The following SHF variants were observed in gnomAD, a reference collection of about 807,000 sequenced individuals.
The protein encoded by SHF is Src homology 2 domain containing F, also known as SH2 domain-containing adapter protein F.
In SHF, 30 loss-of-function variants were observed where a neutral mutation model predicts 42.4. That is an observed-to-expected ratio of 0.71 (90% CI 0.53 to 0.96). SHF has a LOEUF of 0.96. SHF is among the 40% of genes least tolerant of loss of function. The pLI is 0.00. For synonymous variants in SHF, 264 were observed against 269.9 expected (o/e 0.98, Z 0.21); for missense variants, 598 against 634.0 (o/e 0.94, Z 0.61).
At chr15:45,177,207 G>C (rs911690425) in intron 2 of SHF, among the ~76,000 whole-genome samples, 1 of 152,104 alleles carries the variant, frequency 6.6e-6, no homozygotes, top group Non-Finnish European at 1.5e-5. Context: ...TGCTGTCTTT[G>C]ACCCAGAGCC....
Position 45,193,010 on chromosome 15 carries a change from C to T in SHF, c.303+5762G>A, listed in dbSNP as rs559646446. On this transcript the variant is annotated intron_variant, in intron 2 of 7. Transcript: ENST00000290894. ...ATCACTTGGTTAAGCTGGAGTCCAC[C>T]GGATCTCTCCACTTTACAATTTAAA... is the stretch of plus-strand genomic sequence containing the variant. 6.6e-5 allele frequency among the ~76,000 whole-genome samples: 10 copies of T among 152,278 alleles called. No homozygotes were observed. In the South Asian group the frequency reaches 8.3e-4, roughly 13 times the overall value.
intron 2 of SHF, among the ~76,000 whole-genome samples, chr15:45,197,639 A>C (rs555401466): frequency 6.6e-6 from 1 of 152,244 alleles, no homozygotes; most frequent in East Asian, 1.9e-4. Context: ...CCTTTCCCCT[A>C]TCTTACCAAC....
chr15:45,188,020 G>T (rs1173997140), upstream of SHF: 1 of 303,190 alleles, frequency 3.3e-6, no homozygotes, highest in Non-Finnish European at 5.8e-6. Flanking sequence ...TGGGGAGGGG[G>T]GCGGGGCTCC....
intron 2 of SHF, among the ~76,000 whole-genome samples, chr15:45,197,249 TAAAAAAAA>T (rs144408027): frequency 3.3e-5 from 4 of 122,630 alleles, no homozygotes; most frequent in Non-Finnish European, 5.0e-5. Context: ...ACCTTGTCTC[TAAAAAAAA>T]AAAAAAAAAA....
intron 1 of SHF, among the ~76,000 whole-genome samples, chr15:45,180,468 A>T (rs939160636): frequency 2.9e-4 from 44 of 152,188 alleles, no homozygotes; most frequent in Admixed American, 2.9e-3. Flanking sequence ...CTCAACCAAC[A>T]CGTTATCCAT....
At chr15:45,180,846 G>A (rs1043358184) in intron 1 of SHF, among the ~76,000 whole-genome samples, 25 of 152,218 alleles carry the variant, frequency 1.6e-4, no homozygotes, top group African/African-American at 6.0e-4. Flanking sequence ...TCCTGACAGT[G>A]TTAACTCCAT....
At chr15:45,185,806 G>A (rs1168752272) in intron 1 of SHF, among the ~76,000 whole-genome samples, 3 of 152,214 alleles carry the variant, frequency 2.0e-5, no homozygotes, top group South Asian at 2.1e-4. Context: ...TGTGGCTAGG[G>A]GAGTCTCCGA....
Position 45,187,776 on chromosome 15 carries a change from C to A in SHF, c.176G>T (p.Gly59Val), listed in dbSNP as rs1011965565. 3 of 869,936 alleles carry A rather than the reference C, an allele frequency of 3.4e-6. No homozygotes were observed. The highest frequency in any genetic ancestry group is 3.7e-5 in the East Asian group (1 of 26,682). 53.9% of individuals were successfully genotyped at this position (869,936 alleles called of 1,614,324 possible). Residue 59 changes from glycine (G) to valine (V), a missense_variant, in exon 1 of 7, where the codon GGG becomes GTG. Gly to Val is a moderately radical substitution (Grantham distance 109, BLOSUM62 -3). Transcript: ENST00000690270. ...GCTGCCCCCTCCGCCGCCGCCCCCCCCGCGGAAGCCCAGGTGCTCCCGGAG... is the reference window on the plus strand; with the variant it reads ...GCTGCCCCCTCCGCCGCCGCCCCCCACGCGGAAGCCCAGGTGCTCCCGGAG... ...KWLREHLGFR[G>V]GGGGGGGSKP...
intron 3 of SHF, 70 bp from the exon 4 acceptor site, chr15:45,173,786 C>T (rs769047317): frequency 3.0e-5 from 45 of 1,497,828 alleles, no homozygotes; most frequent in Non-Finnish European, 3.9e-5. Flanking sequence ...GAGGTTGAGA[C>T]ACCAAAACCC....
intron 4 of SHF, among the ~76,000 whole-genome samples, chr15:45,173,300 G>A (rs1267099424): frequency 5.3e-5 from 8 of 152,198 alleles, no homozygotes; most frequent in Admixed American, 5.2e-4. Flanking sequence ...ATTGCTGAAG[G>A]AGCTTGTCAA....
chr15:45,177,255 A>G (rs1379724228), intron 2 of SHF, among the ~76,000 whole-genome samples: 2 of 152,140 alleles, frequency 1.3e-5, no homozygotes, highest in Non-Finnish European at 2.9e-5. Flanking sequence ...TTGGATGGGG[A>G]CAAGCTCTGG....
chr15:45,199,142 A>G (rs1330344615), intron 1 of SHF: 3 of 1,448,504 alleles, frequency 2.1e-6, no homozygotes, highest in Non-Finnish European at 9.1e-7. Context: ...TTCCACGTAG[A>G]AAAAAATTCA....
At chr15:45,173,293 G>A (rs562176983) in intron 4 of SHF, among the ~76,000 whole-genome samples, 1 of 152,294 alleles carries the variant, frequency 6.6e-6, no homozygotes, top group South Asian at 2.1e-4. Flanking sequence ...TATTTGCATT[G>A]CTGAAGGAGC....
intron 3 of SHF, 124 bp from the exon 4 acceptor site, chr15:45,173,840 G>A: frequency 9.2e-7 from 1 of 1,091,818 alleles, no homozygotes. Context: ...AGGGGCAGAG[G>A]CAGAGGCAGA....
At chr15:45,172,482 C>T (rs1450840083) in intron 4 of SHF, among the ~76,000 whole-genome samples, 164 bp from the exon 5 acceptor site, 1 of 152,190 alleles carries the variant, frequency 6.6e-6, no homozygotes, top group African/African-American at 2.4e-5. Flanking sequence ...GCTCTGGGGA[C>T]GTAATCCTGG....
intron 2 of SHF, among the ~76,000 whole-genome samples, chr15:45,176,274 T>C (rs1897803796): frequency 6.6e-6 from 1 of 151,732 alleles, no homozygotes; most frequent in African/African-American, 2.4e-5. Context: ...CATCACCTTC[T>C]CTAAAGCTAA....
intron 6 of SHF, among the ~76,000 whole-genome samples, chr15:45,168,624 C>G (rs1281075619): frequency 6.6e-6 from 1 of 152,152 alleles, no homozygotes; most frequent in Non-Finnish European, 1.5e-5. Flanking sequence ...TTGGGGCTCT[C>G]CCTTCTAATG....
At chr15:45,190,950 T>G (rs777818219), upstream of SHF, among the ~76,000 whole-genome samples, 29 of 152,264 alleles carry the variant, frequency 1.9e-4, no homozygotes, top group Admixed American at 1.7e-3. Context: ...AAGCAGGCAG[T>G]TTGAGCACCT....
chr15:45,167,988 G>C lies in SHF; in HGVS notation c.1426C>G (p.His476Asp), dbSNP rs969463178. ...SRKLPIKGAE[H>D]MSLLYPVAIR... ...GCCACAGGGTAGAGCAGGGACATGT[G>C]TTCGGCTCCCTTAATGGGTAGCTTG... The change falls in exon 7 of 7, where the codon CAC becomes GAC. Residue 476 changes from histidine to aspartate, a missense_variant. By Grantham distance (81) the His-to-Asp change is moderately conservative (BLOSUM62 -1). Around this residue, in one of 2 missense-constraint regions of SHF, gnomAD observed 439 missense variants for 524.6 expected, o/e 0.84. Transcript: ENST00000690270. 1.2e-5 allele frequency: 19 copies of C among 1,613,030 alleles called. No individual in the cohort carries two copies. The highest frequency in any genetic ancestry group is 1.5e-5 in the Non-Finnish European group (18 of 1,179,466).
Sources: allele counts gnomAD v4.1 joint callset (sites outside exome capture counted in the v4.1 genomes callset), GRCh38; gene constraint gnomAD v4.1.1; regional missense constraint gnomAD v4.1.1; transcripts MANE v1.5; gene names NCBI Gene and HGNC (gene_info 2026-07-23, HGNC 2026-07-21).